Variants in EVI5L observed in about 807,000 individuals in gnomAD.
EVI5L encodes ecotropic viral integration site 5 like, also known as EVI5-like protein.
Under a neutral mutation model 106.1 loss-of-function variants are expected in EVI5L, and 30 were observed. The observed-to-expected ratio is 0.28, with a 90% CI of 0.21 to 0.38. The LOEUF (loss-of-function observed/expected upper bound fraction) is 0.38, where lower values mean the gene tolerates loss of function less well. EVI5L is among the 10% of genes least tolerant of loss of function. EVI5L has a pLI of 1.00. For synonymous variants in EVI5L, 489 were observed against 483.3 expected (o/e 1.01, Z -0.15); for missense variants, 809 against 1,098.0 (o/e 0.74, Z 3.72).
Position 7,846,535 on chromosome 19 carries a change from C to T in EVI5L, c.-8C>T, listed in dbSNP as rs56324410. ...CAACCCCGCTCACGGCTAACAAGCC[C>T]ACCCACCATGGCGAGCCCCACTCTG... On this transcript the variant is annotated 5_prime_UTR_variant, in exon 2 of 20. Transcript: ENST00000538904. The T allele has an allele frequency of 3.7e-3, 6,001 of 1,605,290 alleles. 17 individuals carry two copies. Among genetic ancestry groups the T allele is most frequent in the Non-Finnish European group, 4.4e-3 (5,128 of 1,176,744 alleles).
At chr19:7,849,479 C>T (rs1979130553) in intron 5 of EVI5L, 149 bp downstream of exon 5, 1 of 884,046 alleles carries the variant, frequency 1.1e-6, no homozygotes, top group South Asian at 1.7e-5. Context: ...TGACCTCTGC[C>T]AATCGCCAGG....
In EVI5L at chr19:7,856,870, C is replaced by T. The variant is rs1192094954; in HGVS notation, c.1201-222C>T. 23 of 698,830 alleles carry T rather than the reference C, an allele frequency of 3.3e-5. No individual in the cohort carries two copies. The highest frequency in any genetic ancestry group is 1.7e-4 in the South Asian group (11 of 66,398). The allele number at this position is 698,830 out of a possible 1,614,324, so 43.3% of individuals were successfully genotyped here. On this transcript the variant is annotated intron_variant, in intron 11 of 19. Coordinates refer to ENST00000538904, the MANE Select transcript of EVI5L (RefSeq NM_001159944.3). This position sits in a 1 kb window ranked among gnomAD's most constrained non-coding sequence, Gnocchi z 6.6. ...CAGCCGCGGGCACCCCCGACCTCCC[C>T]GCTCACACCGAACCCCTCTCCAGGA... is the stretch of plus-strand genomic sequence containing the variant.
intron 10 of EVI5L, chr19:7,853,551 C>T (rs1476118991): frequency 1.6e-6 from 1 of 629,562 alleles, no homozygotes; most frequent in Non-Finnish European, 2.7e-6. Flanking sequence ...CCAAGACAGT[C>T]AAGGTCCCTG....
rs551190444 is a variant in EVI5L at position 7,849,057 on chromosome 19, G to A, written c.464G>A (p.Arg155His). The change falls in exon 4 of 20, where the codon CGC (arginine) becomes CAC (histidine). Residue 155 changes from arginine to histidine, a missense_variant. Physicochemically the swap from Arg to His is conservative, Grantham distance 29. This residue lies in a region of EVI5L where 357 missense variants were observed against 588.1 expected (regional missense o/e 0.61). Coordinates refer to ENST00000538904, the MANE Select transcript of EVI5L (RefSeq NM_001159944.3). ...KMSSPCEKLIRRDIARTYPEH... is the reference protein window; with the variant it reads ...KMSSPCEKLIHRDIARTYPEH... Reference sequence around the variant, plus strand: ...TCCTCGCCGTGCGAGAAGCTGATCCGCAGGGACATCGCCCGCACCTACCCG... The same window carrying A: ...TCCTCGCCGTGCGAGAAGCTGATCCACAGGGACATCGCCCGCACCTACCCG... 6 of 1,613,030 alleles carry A rather than the reference G, an allele frequency of 3.7e-6. No individual in the cohort carries two copies. The highest frequency in any genetic ancestry group is 2.2e-5 in the East Asian group (1 of 44,870).
Position 7,848,859 on chromosome 19 carries a change from G to A in EVI5L, c.328-62G>A. 1 of 1,526,638 alleles carries A rather than the reference G, an allele frequency of 6.6e-7. No individual in the cohort carries two copies. Among genetic ancestry groups the A allele is most frequent in the South Asian group, 1.2e-5 (1 of 83,898 alleles). 94.6% of individuals were successfully genotyped at this position (1,526,638 alleles called of 1,614,324 possible). ...AGCCACGCCTGAGGAGCTGGGCTGG[G>A]TGGCCACGGGGAGGCTGCGCTGGGA... On this transcript the variant is annotated intron_variant, in intron 3 of 19. Coordinates refer to ENST00000538904, the MANE Select transcript of EVI5L (RefSeq NM_001159944.3). This position sits in a 1 kb window ranked among gnomAD's most constrained non-coding sequence, Gnocchi z 4.8.
At chr19:7,834,027 C>A (rs934444057) in intron 1 of EVI5L, among the ~76,000 whole-genome samples, 1 of 152,182 alleles carries the variant, frequency 6.6e-6, no homozygotes, top group Non-Finnish European at 1.5e-5. Flanking sequence ...TCTCAGCATG[C>A]CACGATATGC....
rs1475141561 is a variant in EVI5L, at chr19:7,853,176, A to G, written c.1078A>G (p.Met360Val). 1 of 1,614,034 alleles carries G rather than the reference A, an allele frequency of 6.2e-7. No homozygotes were observed. Among genetic ancestry groups the G allele is most frequent in the Admixed American group, 1.7e-5 (1 of 60,028 alleles). ...AYQVKYNPKK[M>V]KRLEKEYAAM... Reference sequence around the variant, plus strand: ...CCAGGTCAAGTACAACCCCAAGAAGATGAAGAGGTCGGTGCCTGCTGGGCA... The same window carrying G: ...CCAGGTCAAGTACAACCCCAAGAAGGTGAAGAGGTCGGTGCCTGCTGGGCA... The change falls in exon 9 of 20, where the codon ATG becomes GTG. Residue 360 changes from methionine (M) to valine (V), a missense_variant. This residue lies in a region of EVI5L where 357 missense variants were observed against 588.1 expected (regional missense o/e 0.61). Transcript: ENST00000538904.
chr19:7,847,715 C>A lies in EVI5L; in HGVS notation c.138-17C>A. The A allele has an allele frequency of 6.2e-7, 1 of 1,606,392 alleles. No individual in the cohort carries two copies. Among genetic ancestry groups the A allele is most frequent in the South Asian group, 1.1e-5 (1 of 90,286 alleles). On this transcript the variant is annotated splice_polypyrimidine_tract_variant and intron_variant, in intron 2 of 19. Transcript: ENST00000538904. ...CAGGGAGTCACTGGTTCCCCTCTGT[C>A]GGCCCTTCCTGCCCAGGCTCCTGGA...
intron 1 of EVI5L, among the ~76,000 whole-genome samples, chr19:7,836,135 G>T (rs1190285278): frequency 6.6e-6 from 1 of 152,190 alleles, no homozygotes; most frequent in Non-Finnish European, 1.5e-5. Context: ...TACTCGGGAG[G>T]CTGAGGGAGG....
rs1250870008 is a variant in EVI5L, at chr19:7,858,000, A to G, written c.1234-191A>G. 1.9e-5 allele frequency: 12 copies of G among 626,598 alleles called. No individual in the cohort carries two copies. The highest frequency in any genetic ancestry group is 3.7e-5 in the African/African-American group (2 of 54,028). 38.8% of individuals were successfully genotyped at this position (626,598 alleles called of 1,614,324 possible). A position where few individuals can be genotyped will look rare whatever the true frequency, so the allele number is the denominator to read the frequency against. Reference sequence around the variant, plus strand: ...CCTCCCGGGCTCCTCCAGGTGTCCTATTCCTGCCTGTCACCCACCCACGTC... The same window carrying G: ...CCTCCCGGGCTCCTCCAGGTGTCCTGTTCCTGCCTGTCACCCACCCACGTC... On this transcript the variant is annotated intron_variant, in intron 12 of 19. Transcript: ENST00000538904. This position sits in a 1 kb window ranked among gnomAD's most constrained non-coding sequence, Gnocchi z 4.5.
intron 1 of EVI5L, among the ~76,000 whole-genome samples, chr19:7,842,394 GA>G (rs1169052230): frequency 2.8e-5 from 1 of 35,876 alleles, no homozygotes; most frequent in Admixed American, 3.2e-4. Flanking sequence ...ATGTCTGTGA[GA>G]ATGTGAGTGT....
chr19:7,844,345 A>AG (rs61212095), intron 1 of EVI5L, among the ~76,000 whole-genome samples: 11,444 of 149,238 alleles, frequency 0.077, 483 homozygotes, highest in Middle Eastern at 0.1. Context: ...AAAAAAAAAA[A>AG]AAAAAGAAAG....
chr19:7,852,936 C>T (rs550579091), intron 8 of EVI5L, 150 bp from the exon 9 acceptor site: 7 of 711,080 alleles, frequency 9.8e-6, no homozygotes, highest in Non-Finnish European at 4.8e-6. Context: ...CTTTCCATTG[C>T]TCCACAAACA....
At chr19:7,846,169 G>A (rs1378458510) in intron 1 of EVI5L, among the ~76,000 whole-genome samples, 3 of 152,206 alleles carry the variant, frequency 2.0e-5, no homozygotes, top group East Asian at 1.9e-4. Context: ...CCTCTGCTCC[G>A]GGCCCTGCTC....
chr19:7,853,263 C>T lies in EVI5L; in HGVS notation c.1086-10C>T, dbSNP rs896466883. Reference sequence around the variant, plus strand: ...CATGACAGTAACCACGGGGCCCTCCCGATCTGCAGGCTGGAGAAGGAGTAC... The same window carrying T: ...CATGACAGTAACCACGGGGCCCTCCTGATCTGCAGGCTGGAGAAGGAGTAC... On this transcript the variant is annotated splice_polypyrimidine_tract_variant and intron_variant, in intron 9 of 19. Coordinates refer to ENST00000538904, the MANE Select transcript of EVI5L (RefSeq NM_001159944.3). 3.1e-6 allele frequency: 5 copies of T among 1,613,734 alleles called. No homozygotes were observed. Among genetic ancestry groups the T allele is most frequent in the Admixed American group, 3.3e-5 (2 of 59,986 alleles).
intron 1 of EVI5L, among the ~76,000 whole-genome samples, chr19:7,843,832 C>T (rs180886473): frequency 2.6e-5 from 4 of 151,826 alleles, no homozygotes; most frequent in Non-Finnish European, 4.4e-5. Context: ...GTGTGTTGTG[C>T]GTGCACACAC....
In EVI5L at chr19:7,863,388, C is replaced by A. The variant is rs1161903234; in HGVS notation, c.2140-36C>A. ...GCGGCTGGGAGGGCGGGGCAGAAGG[C>A]CGGTCCACGCCTGCAGCGCCGGTCC... is the stretch of plus-strand genomic sequence containing the variant. On this transcript the variant is annotated intron_variant, in intron 19 of 19. Transcript: ENST00000538904. The surrounding 1 kb of genome is among the most constrained non-coding windows in gnomAD (Gnocchi z 7.7). 1 of 1,528,676 alleles carries A rather than the reference C, an allele frequency of 6.5e-7. No individual in the cohort carries two copies. The highest frequency in any genetic ancestry group is 8.8e-7 in the Non-Finnish European group (1 of 1,137,906). 94.7% of individuals were successfully genotyped at this position (1,528,676 alleles called of 1,614,324 possible). A position where few individuals can be genotyped will look rare whatever the true frequency, so the allele number is the denominator to read the frequency against.
intron 1 of EVI5L, among the ~76,000 whole-genome samples, chr19:7,842,907 T>C (rs1271242114): frequency 6.6e-6 from 1 of 152,046 alleles, no homozygotes; most frequent in Non-Finnish European, 1.5e-5. Flanking sequence ...ATTGAGTGTG[T>C]GCATGTGTGT....
In EVI5L at chr19:7,857,533, C is replaced by T. The variant is rs910413375; in HGVS notation, c.1233+409C>T. The stretch of plus-strand genomic sequence containing the variant: ...ACACACACGCCCGGCCCTCACGCTG[C>T]TGCTCTCTGCTCCTACCTGCAATGC... On this transcript the variant is annotated intron_variant, in intron 12 of 19. Transcript: ENST00000538904. This position sits in a 1 kb window ranked among gnomAD's most constrained non-coding sequence, Gnocchi z 4.5. The T allele has an allele frequency of 3.6e-6, 1 of 280,208 alleles. No individual in the cohort carries two copies. The highest frequency in any genetic ancestry group is 2.2e-5 in the African/African-American group (1 of 45,468). The allele number at this position is 280,208 out of a possible 1,614,324, so 17.4% of individuals were successfully genotyped here.
Sources: gnomAD v4.1 joint callset for allele counts (sites outside exome capture counted in the v4.1 genomes callset) on GRCh38, gnomAD v4.1.1 for gene constraint, gnomAD v4.1.1 regional missense constraint, Gnocchi (gnomAD v3.1) non-coding constraint, MANE v1.5 for transcripts, NCBI Gene and HGNC (gene_info 2026-07-23, HGNC 2026-07-21) for gene names.